The following KCNIP4 variants were observed in gnomAD, a reference collection of about 807,000 sequenced individuals.
KCNIP4 encodes the protein potassium voltage-gated channel interacting protein 4, also known as Kv channel-interacting protein 4.
Under a neutral mutation model 34.0 loss-of-function variants are expected in KCNIP4, and 12 were observed. The observed-to-expected ratio is 0.35, with a 90% CI of 0.23 to 0.57. The LOEUF (loss-of-function observed/expected upper bound fraction) is 0.57. Among genes scored for constraint, KCNIP4 ranks in the 20% least tolerant of loss-of-function variants. KCNIP4 has a pLI of 0.83. For synonymous variants in KCNIP4, 124 were observed against 102.2 expected, an observed-to-expected ratio of 1.21 and a Z score of -1.29; for missense variants, 238 against 311.7, an observed-to-expected ratio of 0.76 and a Z score of 1.78.
intron 8 of KCNIP4, chr4:20,731,652 G>A: frequency 2.0e-6 from 2 of 985,196 alleles, no homozygotes; most frequent in Non-Finnish European, 2.4e-6. Context: ...ATGCTGTGGA[G>A]ATATGATAGA....
At chr4:21,305,470 T>C (rs1165751554) in intron 1 of KCNIP4, among the ~76,000 whole-genome samples, 1 of 152,210 alleles carries the variant, frequency 6.6e-6, no homozygotes, top group African/African-American at 2.4e-5. Flanking sequence ...CCTCGGGTGC[T>C]TTTCACAAGT....
intron 1 of KCNIP4, among the ~76,000 whole-genome samples, chr4:21,937,359 T>C (rs1729916985): frequency 6.6e-6 from 1 of 152,076 alleles, no homozygotes; most frequent in South Asian, 2.1e-4. Context: ...ACAACAGTCA[T>C]CTCACCTTTC....
chr4:20,772,652 T>C (rs1436666677), intron 3 of KCNIP4, among the ~76,000 whole-genome samples: 2 of 152,026 alleles, frequency 1.3e-5, no homozygotes, highest in South Asian at 4.2e-4. Context: ...CTTTCTTCTT[T>C]TTTTTTTCTT....
intron 1 of KCNIP4, among the ~76,000 whole-genome samples, chr4:21,826,151 T>G (rs913030220): frequency 1.6e-4 from 25 of 152,160 alleles, no homozygotes; most frequent in African/African-American, 5.5e-4. Flanking sequence ...GTATGTAGCA[T>G]TTTATAAGCC....
At chr4:21,166,891 A>T (rs929356868) in intron 1 of KCNIP4, among the ~76,000 whole-genome samples, 7 of 140,682 alleles carry the variant, frequency 5.0e-5, no homozygotes, top group African/African-American at 1.9e-4. Flanking sequence ...GTGAGCTGAG[A>T]TCACGCCATT....
At chr4:20,946,909 A>G (rs1196613674) in intron 1 of KCNIP4, among the ~76,000 whole-genome samples, 1 of 152,146 alleles carries the variant, frequency 6.6e-6, no homozygotes, top group Non-Finnish European at 1.5e-5. Context: ...ATGCAAAAAT[A>G]CTAGGATTCC....
chr4:20,982,299 G>C (rs1013463835), intron 1 of KCNIP4, among the ~76,000 whole-genome samples: 26 of 152,152 alleles, frequency 1.7e-4, no homozygotes, highest in Admixed American at 3.9e-4. Flanking sequence ...ACTAAGTCCA[G>C]AGAACCAAAA....
At chr4:21,567,948 G>T (rs1055133395) in intron 1 of KCNIP4, among the ~76,000 whole-genome samples, 6 of 152,118 alleles carry the variant, frequency 3.9e-5, no homozygotes, top group African/African-American at 1.2e-4. Context: ...AGCCAGAACA[G>T]TACTTGATAA....
At chr4:21,947,638 A>G (rs1001576800) in intron 1 of KCNIP4, among the ~76,000 whole-genome samples, 2 of 152,162 alleles carry the variant, frequency 1.3e-5, no homozygotes, top group Admixed American at 6.5e-5. Context: ...TTGCAAGTTT[A>G]CAGCCCTCGA....
At chr4:20,774,823 GTGGTCTGAGACAAGGT>G (rs1166222476) in intron 3 of KCNIP4, among the ~76,000 whole-genome samples, 1 of 152,188 alleles carries the variant, frequency 6.6e-6, no homozygotes, top group Non-Finnish European at 1.5e-5. Flanking sequence ...CCTGGGGAGT[GTGGTCTGAGACAAGGT>G]TGGTTAATTT....
intron 1 of KCNIP4, among the ~76,000 whole-genome samples, chr4:21,191,978 T>C (rs1384806573): frequency 6.6e-6 from 1 of 152,198 alleles, no homozygotes; most frequent in East Asian, 1.9e-4. Flanking sequence ...TCTTGATTCA[T>C]AGCTCTCCCT....
chr4:21,227,508 T>C (rs1758488238), intron 1 of KCNIP4, among the ~76,000 whole-genome samples: 1 of 152,142 alleles, frequency 6.6e-6, no homozygotes, highest in Non-Finnish European at 1.5e-5. Context: ...GCAAATGGTC[T>C]GCCTGCTCTA....
intron 1 of KCNIP4, among the ~76,000 whole-genome samples, chr4:21,232,530 T>C (rs1488307882): frequency 6.6e-6 from 1 of 152,218 alleles, no homozygotes. Flanking sequence ...ATAATTTTAA[T>C]GTATATCAAT....
intron 1 of KCNIP4, among the ~76,000 whole-genome samples, chr4:21,300,359 A>C (rs1287649433): frequency 6.6e-6 from 1 of 151,862 alleles, no homozygotes; most frequent in Non-Finnish European, 1.5e-5. Context: ...AGCCTCCTAA[A>C]CTCCCCACTA....
intron 1 of KCNIP4, among the ~76,000 whole-genome samples, chr4:21,803,019 A>G (rs1318452836): frequency 6.6e-6 from 1 of 152,280 alleles, no homozygotes; most frequent in African/African-American, 2.4e-5. Context: ...AAATTCTCCC[A>G]GTTCCATGTC....
intron 1 of KCNIP4, among the ~76,000 whole-genome samples, chr4:21,391,397 C>T (rs1375743487): frequency 6.6e-6 from 1 of 152,068 alleles, no homozygotes; most frequent in Non-Finnish European, 1.5e-5. Flanking sequence ...CATGGAAACC[C>T]AAAAAGCTCA....
At position 21,046,998 on chromosome 4, in the gene KCNIP4, A is replaced by G. The variant is rs1266974836; in HGVS notation, c.62-164289T>C. 3.9e-5 allele frequency among the ~76,000 whole-genome samples: 6 copies of G among 152,364 alleles called. 1 individual carries two copies. In the East Asian group the frequency reaches 1.2e-3, roughly 29 times the overall value. ...TGAGCCTACAGGAACAAAACATAAGAGGTGCAATTTGAGGACTGTCACCTC... is the reference window on the plus strand; with the variant it reads ...TGAGCCTACAGGAACAAAACATAAGGGGTGCAATTTGAGGACTGTCACCTC... On this transcript the variant is annotated intron_variant, in intron 1 of 8. Coordinates refer to ENST00000382152, the MANE Select transcript of KCNIP4 (RefSeq NM_025221.6).
chr4:21,792,412 T>C (rs2109236188), intron 1 of KCNIP4, among the ~76,000 whole-genome samples: 1 of 152,326 alleles, frequency 6.6e-6, no homozygotes, highest in African/African-American at 2.4e-5. Flanking sequence ...TTGAAGTGTG[T>C]GCTAATGGCA....
chr4:20,756,774 T>G (rs1754506953), intron 4 of KCNIP4, among the ~76,000 whole-genome samples: 1 of 152,110 alleles, frequency 6.6e-6, no homozygotes, highest in South Asian at 2.1e-4. Flanking sequence ...TCATTTCATT[T>G]CTGAACTATC....
Sources: allele counts gnomAD v4.1 joint callset (sites outside exome capture counted in the v4.1 genomes callset), GRCh38; gene constraint gnomAD v4.1.1; transcripts MANE v1.5; gene names NCBI Gene and HGNC (gene_info 2026-07-23, HGNC 2026-07-21).